MYT1L: variants seen among roughly 807,000 people sequenced by gnomAD.
MYT1L encodes myelin transcription factor 1-like protein.
A neutral mutation model predicts 126.7 loss-of-function variants in MYT1L; 12 were observed. That is an observed-to-expected ratio of 0.09 (90% CI 0.06 to 0.15). MYT1L has a LOEUF of 0.15. Among genes scored for constraint, MYT1L ranks in the 10% least tolerant of loss-of-function variants. MYT1L has a pLI of 1.00. For missense variants in MYT1L, 979 were observed against 1,585.2 expected (o/e 0.62, Z 6.49); for synonymous variants, 541 against 604.2 (o/e 0.90, Z 1.53).
In MYT1L at chr2:1,905,849, T is replaced by C. The variant is rs577355927; in HGVS notation, c.1818-2555A>G. Among the ~76,000 whole-genome samples the C allele has an allele frequency of 2.0e-5, 3 of 152,338 alleles. No homozygotes were observed. In the East Asian group the frequency reaches 5.8e-4, roughly 29 times the overall value. On this transcript the variant is annotated intron_variant, in intron 13 of 24. Coordinates refer to ENST00000647738, the MANE Select transcript of MYT1L (RefSeq NM_001303052.2). ...GATGTGCAAACAATATTTTGATTGT[T>C]CTCCCTGGGGATGGAAATCTGAGGG...
chr2:2,130,015 G>A (rs1195103410), intron 3 of MYT1L, among the ~76,000 whole-genome samples: 1 of 151,958 alleles, frequency 6.6e-6, no homozygotes, highest in Non-Finnish European at 1.5e-5. Flanking sequence ...TTTTCTACGT[G>A]GGAAAAGGCA....
At chr2:2,117,460 G>A (rs1054393840) in intron 3 of MYT1L, among the ~76,000 whole-genome samples, 5 of 152,080 alleles carry the variant, frequency 3.3e-5, no homozygotes, top group African/African-American at 4.8e-5. Flanking sequence ...ATCAGCAGGC[G>A]GACCGCCGTG....
rs1403885850 is a variant in MYT1L at position 1,811,491 on chromosome 2, A to C, written c.3081-2324T>G. The C allele has an allele frequency of 6.6e-6, 1 of 151,880 alleles. No homozygotes were observed. The highest frequency in any genetic ancestry group is 1.5e-5 in the Non-Finnish European group (1 of 67,992). 9.4% of individuals were successfully genotyped at this position (151,880 alleles called of 1,614,324 possible). On this transcript the variant is annotated intron_variant, in intron 21 of 24. Transcript: ENST00000647738. This position sits in a 1 kb window ranked among gnomAD's most constrained non-coding sequence, Gnocchi z 4.4. The stretch of plus-strand genomic sequence containing the variant: ...CCCAGGAGCAGAGAGGCCTCTGGGA[A>C]CTGGGTGGCCTGACAGGGTGGGCAC...
intron 2 of MYT1L, among the ~76,000 whole-genome samples, chr2:2,207,798 C>T (rs1045778983): frequency 6.6e-6 from 1 of 152,192 alleles, no homozygotes; most frequent in Non-Finnish European, 1.5e-5. Context: ...ATCCTTGAAA[C>T]ACACTCATGT....
chr2:2,099,113 A>G (rs189168666), intron 3 of MYT1L, among the ~76,000 whole-genome samples: 10 of 152,280 alleles, frequency 6.6e-5, no homozygotes, highest in African/African-American at 2.4e-4. Context: ...CTTCTTCCAA[A>G]GGTCTTAAAT....
chr2:2,109,323 C>T (rs948230707), intron 3 of MYT1L, among the ~76,000 whole-genome samples: 1 of 152,164 alleles, frequency 6.6e-6, no homozygotes, highest in Non-Finnish European at 1.5e-5. Flanking sequence ...TCCCTGACAG[C>T]GGATCCAGCC....
intron 1 of MYT1L, among the ~76,000 whole-genome samples, chr2:2,296,591 T>C (rs918691089): frequency 6.6e-6 from 1 of 152,086 alleles, no homozygotes; most frequent in Non-Finnish European, 1.5e-5. Flanking sequence ...CTAATGTCAT[T>C]AACTCCAGGA....
intron 3 of MYT1L, among the ~76,000 whole-genome samples, chr2:2,142,891 T>G (rs2084229038): frequency 6.6e-6 from 1 of 151,802 alleles, no homozygotes; most frequent in South Asian, 2.1e-4. Flanking sequence ...CTTGCCATGT[T>G]GGCCAGGGTG....
chr2:1,959,771 T>C (rs1369032862), intron 8 of MYT1L, among the ~76,000 whole-genome samples: 1 of 152,190 alleles, frequency 6.6e-6, no homozygotes, highest in Non-Finnish European at 1.5e-5. Context: ...ATCAGCTCTC[T>C]TCCCGCATGG....
intron 2 of MYT1L, among the ~76,000 whole-genome samples, chr2:2,197,485 A>T (rs1397657830): frequency 2.6e-5 from 4 of 152,142 alleles, no homozygotes; most frequent in South Asian, 2.1e-4. Flanking sequence ...GTATATACAC[A>T]CATGCACACA....
At chr2:1,946,179 T>C (rs2057202328) in intron 8 of MYT1L, among the ~76,000 whole-genome samples, 1 of 151,918 alleles carries the variant, frequency 6.6e-6, no homozygotes, top group African/African-American at 2.4e-5. Context: ...GTGTGCTCCT[T>C]ATGAGAATCT....
intron 2 of MYT1L, among the ~76,000 whole-genome samples, chr2:2,265,345 T>C (rs568499275): frequency 1.3e-5 from 2 of 152,130 alleles, no homozygotes; most frequent in South Asian, 2.1e-4. Flanking sequence ...ATGATAATAA[T>C]GACATCTACC....
At chr2:2,060,645 C>G (rs1000600150) in intron 3 of MYT1L, among the ~76,000 whole-genome samples, 9 of 151,424 alleles carry the variant, frequency 5.9e-5, no homozygotes, top group African/African-American at 1.9e-4. Context: ...TTTCTTCTCT[C>G]GCTGTCTCTC....
At position 1,910,840 on chromosome 2, in the gene MYT1L, G is replaced by C. The variant is rs1162087952; in HGVS notation, c.1710-493C>G. Among the ~76,000 whole-genome samples, 1 of 152,166 alleles carries C rather than the reference G, an allele frequency of 6.6e-6. No homozygotes were observed. The highest frequency in any genetic ancestry group is 6.5e-5 in the Admixed American group (1 of 15,280). On this transcript the variant is annotated intron_variant, in intron 12 of 24. Coordinates refer to ENST00000647738, the MANE Select transcript of MYT1L (RefSeq NM_001303052.2). This position sits in a 1 kb window ranked among gnomAD's most constrained non-coding sequence, Gnocchi z 4.8. ...TTTAGCCCTTTGGTGTTCTCCACAA[G>C]CAGGGAAATGAAAGTGGAGAGGAAA...
rs774638357 is a variant in MYT1L, at chr2:1,886,522, T to C, written c.2711+17A>G. ...TGCATGGATTTTTAAAAGAGAATTA[T>C]TGTCATTAAATCTTACTTGAGTTCT... On this transcript the variant is annotated intron_variant, in intron 18 of 24. Transcript: ENST00000647738. 3.2e-6 allele frequency: 5 copies of C among 1,547,098 alleles called. No homozygotes were observed. In the African/African-American group the frequency reaches 4.2e-5, roughly 13 times the overall value.
intron 1 of MYT1L, among the ~76,000 whole-genome samples, chr2:2,295,655 C>G (rs1011362087): frequency 1.5e-4 from 8 of 53,828 alleles, no homozygotes; most frequent in African/African-American, 3.6e-4. Context: ...GATAGAGAGA[C>G]AGACAGACAG....
chr2:2,044,270 A>G lies in MYT1L; in HGVS notation c.-158+9708T>C, dbSNP rs1055262087. Among the ~76,000 whole-genome samples, 3 of 152,248 alleles carry G rather than the reference A, an allele frequency of 2.0e-5. No individual in the cohort carries two copies. The South Asian group carries it at 6.2e-4, about 31-fold the overall frequency. On this transcript the variant is annotated intron_variant, in intron 4 of 24. Coordinates refer to ENST00000647738, the MANE Select transcript of MYT1L (RefSeq NM_001303052.2). ...TCATTGCACAATTTTAGTTACAATTAAAGTCTTTCTGTCACGATACACCAC... is the reference window on the plus strand; with the variant it reads ...TCATTGCACAATTTTAGTTACAATTGAAGTCTTTCTGTCACGATACACCAC...
chr2:1,864,023 G>A (rs2045102138), intron 18 of MYT1L, among the ~76,000 whole-genome samples: 1 of 152,200 alleles, frequency 6.6e-6, no homozygotes. Flanking sequence ...AAGGTGGCTG[G>A]ATGGGCGCCT....
At chr2:2,040,861 G>T (rs1272093077) in intron 4 of MYT1L, among the ~76,000 whole-genome samples, 1 of 151,990 alleles carries the variant, frequency 6.6e-6, no homozygotes, top group Admixed American at 6.6e-5. Context: ...TAATTAACTG[G>T]TTTCTACTTT....
Sources: allele counts gnomAD v4.1 joint callset (sites outside exome capture counted in the v4.1 genomes callset), GRCh38; gene constraint gnomAD v4.1.1; non-coding constraint Gnocchi (gnomAD v3.1); transcripts MANE v1.5; gene names NCBI Gene and HGNC (gene_info 2026-07-23, HGNC 2026-07-21).